ADAMTSL1: variants seen among roughly 807,000 people sequenced by gnomAD.
ADAMTSL1 encodes the protein ADAMTS-like protein 1.
Under a neutral mutation model 201.8 loss-of-function variants are expected in ADAMTSL1, and 126 were observed. The ratio of observed to expected loss-of-function variants is 0.62; its 90% CI spans 0.54 to 0.72. The LOEUF (loss-of-function observed/expected upper bound fraction) is 0.72. Ranked by LOEUF, ADAMTSL1 falls within the 30% of genes least tolerant of loss-of-function variation. ADAMTSL1 has a pLI of 0.00. For synonymous variants in ADAMTSL1, 1,121 were observed against 903.4 expected, an observed-to-expected ratio of 1.24 and a Z score of -4.32; for missense variants, 2,679 against 2,277.8, an observed-to-expected ratio of 1.18 and a Z score of -3.59.
At chr9:17,998,273 A>T (rs2131521604) in intron 1 of ADAMTSL1, among the ~76,000 whole-genome samples, 1 of 152,244 alleles carries the variant, frequency 6.6e-6, no homozygotes, top group South Asian at 2.1e-4. Flanking sequence ...CCAGAAGGCA[A>T]GGCACAGCAC....
chr9:17,946,721 T>A (rs1467150169), intron 1 of ADAMTSL1, among the ~76,000 whole-genome samples: 3 of 152,192 alleles, frequency 2.0e-5, no homozygotes, highest in African/African-American at 7.2e-5. Flanking sequence ...TGAGGAGCTC[T>A]CACCATTGAA....
rs1358638341 is a variant in ADAMTSL1 at position 18,353,208 on chromosome 9, C to T, written c.208-151621C>T. Reference sequence around the variant, plus strand: ...TATCTCCTGGATATTATTTGTAGTGCTTCTTCATCACTGTGTTGAAAACAG... The same window carrying T: ...TATCTCCTGGATATTATTTGTAGTGTTTCTTCATCACTGTGTTGAAAACAG... On this transcript the variant is annotated intron_variant, in intron 2 of 29. Coordinates refer to the ADAMTSL1 transcript ENST00000680146. Among the ~76,000 whole-genome samples the T allele has an allele frequency of 2.6e-5, 4 of 152,310 alleles. No individual in the cohort carries two copies. The East Asian group carries it at 7.7e-4, about 29-fold the overall frequency.
chr9:18,546,346 C>T (rs1024593398), intron 3 of ADAMTSL1, among the ~76,000 whole-genome samples: 3 of 152,024 alleles, frequency 2.0e-5, no homozygotes, highest in African/African-American at 7.2e-5. Flanking sequence ...AGGATCTTGC[C>T]TGTCCCCCAG....
chr9:18,717,902 G>A (rs1833054880), intron 14 of ADAMTSL1: 2 of 1,027,610 alleles, frequency 1.9e-6, no homozygotes, highest in East Asian at 2.4e-5. Flanking sequence ...TAACAAAGTT[G>A]GAGTGTTGGC....
At chr9:18,783,776 AAAAC>A (rs1280615954) in intron 19 of ADAMTSL1, among the ~76,000 whole-genome samples, 10 of 152,220 alleles carry the variant, frequency 6.6e-5, no homozygotes, top group African/African-American at 2.4e-4. Context: ...AAGGTTATTA[AAAAC>A]AAACAAAAAA....
intron 1 of ADAMTSL1, among the ~76,000 whole-genome samples, chr9:18,089,780 T>A (rs903592575): frequency 6.6e-6 from 1 of 152,150 alleles, no homozygotes; most frequent in African/African-American, 2.4e-5. Flanking sequence ...AATTGCTTAT[T>A]GATAGAATAT....
intron 9 of ADAMTSL1, among the ~76,000 whole-genome samples, chr9:18,673,347 G>C (rs1283443561): frequency 6.6e-6 from 1 of 152,190 alleles, no homozygotes; most frequent in East Asian, 1.9e-4. Context: ...AGAGAGCTGA[G>C]CCTATGTACA....
chr9:18,441,684 T>C (rs940757242), intron 2 of ADAMTSL1, among the ~76,000 whole-genome samples: 8 of 151,844 alleles, frequency 5.3e-5, no homozygotes, highest in Non-Finnish European at 8.8e-5. Context: ...AGGAATCCAT[T>C]TTTTTTTCTA....
At chr9:18,313,959 T>G (rs1834252635) in intron 2 of ADAMTSL1, among the ~76,000 whole-genome samples, 1 of 151,898 alleles carries the variant, frequency 6.6e-6, no homozygotes, top group African/African-American at 2.4e-5. Context: ...ACAAAACATA[T>G]AAGGAACTCA....
At chr9:18,560,128 T>C (rs1821391221) in intron 3 of ADAMTSL1, among the ~76,000 whole-genome samples, 1 of 152,222 alleles carries the variant, frequency 6.6e-6, no homozygotes, top group Admixed American at 6.5e-5. Flanking sequence ...CCATTCAGTA[T>C]GATATTGGCT....
At chr9:18,404,523 A>T (rs1012431670) in intron 2 of ADAMTSL1, among the ~76,000 whole-genome samples, 1 of 152,214 alleles carries the variant, frequency 6.6e-6, no homozygotes, top group African/African-American at 2.4e-5. Context: ...GGTGCCCTGT[A>T]ATCTTGACCT....
intron 2 of ADAMTSL1, among the ~76,000 whole-genome samples, chr9:18,344,948 C>T (rs1479771842): frequency 6.6e-6 from 1 of 152,194 alleles, no homozygotes; most frequent in Non-Finnish European, 1.5e-5. Flanking sequence ...GGGAGGCCCT[C>T]TTTTGACAGC....
At chr9:18,602,797 C>A (rs112454577) in intron 4 of ADAMTSL1, among the ~76,000 whole-genome samples, 6 of 152,238 alleles carry the variant, frequency 3.9e-5, no homozygotes, top group African/African-American at 1.4e-4. Flanking sequence ...ACTTTTTCTT[C>A]CCTGTAGAAA....
intron 9 of ADAMTSL1, among the ~76,000 whole-genome samples, chr9:18,669,359 C>A (rs539948195): frequency 6.6e-6 from 1 of 152,324 alleles, no homozygotes; most frequent in African/African-American, 2.4e-5. Flanking sequence ...TTTAACCCCA[C>A]AAATGTAGAT....
At chr9:18,479,648 C>G (rs891831619) in intron 1 of ADAMTSL1, among the ~76,000 whole-genome samples, 3 of 152,174 alleles carry the variant, frequency 2.0e-5, no homozygotes, top group African/African-American at 7.2e-5. Context: ...TCGCCCATCT[C>G]TTACTTATCT....
chr9:18,370,045 C>T (rs1386834001), intron 2 of ADAMTSL1, among the ~76,000 whole-genome samples: 3 of 151,936 alleles, frequency 2.0e-5, no homozygotes, highest in Admixed American at 6.6e-5. Context: ...TTTGGGAGGC[C>T]GAGGCTGGTG....
intron 2 of ADAMTSL1, among the ~76,000 whole-genome samples, chr9:18,524,650 AG>A (rs1420417677): frequency 1.3e-5 from 2 of 152,162 alleles, no homozygotes; most frequent in Non-Finnish European, 2.9e-5. Flanking sequence ...CTTAGCATGA[AG>A]GGGTGTTGAA....
intron 1 of ADAMTSL1, among the ~76,000 whole-genome samples, chr9:17,964,583 G>T (rs12341715): frequency 0.025 from 3,873 of 152,050 alleles, 165 homozygotes; most frequent in African/African-American, 0.089. Flanking sequence ...TATACACATA[G>T]GTACACACAA....
At chr9:18,444,117 G>T (rs975337502) in intron 2 of ADAMTSL1, among the ~76,000 whole-genome samples, 17 of 152,154 alleles carry the variant, frequency 1.1e-4, no homozygotes, top group African/African-American at 3.6e-4. Context: ...AATAATGCTT[G>T]CAGGGTTTAC....
Sources: allele counts gnomAD v4.1 joint callset (sites outside exome capture counted in the v4.1 genomes callset), GRCh38; gene constraint gnomAD v4.1.1; transcripts MANE v1.5; gene names NCBI Gene and HGNC (gene_info 2026-07-23, HGNC 2026-07-21).